WWOX: variants seen among roughly 807,000 people sequenced by gnomAD.
WWOX encodes WW domain containing oxidoreductase.
In WWOX, 69 loss-of-function variants were observed where a neutral mutation model predicts 46.2. The ratio of observed to expected loss-of-function variants is 1.49; its 90% confidence interval spans 1.23 to 1.82. The LOEUF (loss-of-function observed/expected upper bound fraction) is 1.82. Among genes scored for constraint, WWOX ranks in the 40% most tolerant of loss-of-function variants. The pLI, the probability that WWOX is intolerant of heterozygous loss-of-function variation, is 0.00. For synonymous variants in WWOX, 359 were observed against 202.6 expected (o/e 1.77, Z -6.56); for missense variants, 919 against 542.6 (o/e 1.69, Z -6.89).
chr16:78,594,793 A>C (rs537117949), intron 8 of WWOX, among the ~76,000 whole-genome samples: 22 of 152,168 alleles, frequency 1.4e-4, no homozygotes, highest in Admixed American at 7.2e-4. Context: ...AGAAAACTCT[A>C]TAGCCTCAGT....
chr16:78,616,045 T>C lies in WWOX; in HGVS notation c.1056+183293T>C, dbSNP rs145963868. 1.5e-3 allele frequency among the ~76,000 whole-genome samples: 221 copies of C among 152,260 alleles called. 1 individual carries two copies. The highest frequency in any genetic ancestry group is 5.0e-3 in the African/African-American group (206 of 41,548). Reference sequence around the variant, plus strand: ...GATTACAGGCGTGAACTACTGTGCCTGGCCAGGATAATCTTTAAGAAGAAG... The same window carrying C: ...GATTACAGGCGTGAACTACTGTGCCCGGCCAGGATAATCTTTAAGAAGAAG... On this transcript the variant is annotated intron_variant, in intron 8 of 8. Transcript: ENST00000566780.
intron 8 of WWOX, among the ~76,000 whole-genome samples, chr16:78,976,556 C>G (rs556068767): frequency 3.3e-4 from 50 of 152,336 alleles, no homozygotes; most frequent in African/African-American, 1.1e-3. Flanking sequence ...ATAGCTTGAT[C>G]TAGGTCTCAG....
intron 5 of WWOX, among the ~76,000 whole-genome samples, chr16:78,342,171 A>T (rs1384352910): frequency 8.2e-6 from 1 of 121,788 alleles, no homozygotes. Flanking sequence ...TGAATGCTTT[A>T]TCAGAAAACT....
chr16:78,135,320 A>G lies in WWOX; in HGVS notation c.409+20166A>G, dbSNP rs534029625. 5.9e-5 allele frequency among the ~76,000 whole-genome samples: 9 copies of G among 152,262 alleles called. No homozygotes were observed. In the South Asian group the frequency reaches 1.9e-3, roughly 32 times the overall value. ...TACTGTGGTTTACCAAGTGTGAGGGACTATTTCTTTCTGAGAAGGAGGGGA... is the reference window on the plus strand; with the variant it reads ...TACTGTGGTTTACCAAGTGTGAGGGGCTATTTCTTTCTGAGAAGGAGGGGA... On this transcript the variant is annotated intron_variant, in intron 4 of 8. Transcript: ENST00000566780.
intron 8 of WWOX, among the ~76,000 whole-genome samples, chr16:78,904,158 T>TA (rs1035398090): frequency 6.6e-6 from 1 of 152,022 alleles, no homozygotes; most frequent in Non-Finnish European, 1.5e-5. Flanking sequence ...GTCCAACTGT[T>TA]AGAGTTTTTC....
rs192405805 is a variant in WWOX, at chr16:78,411,065, C to A, written c.606-13805C>A. Among the ~76,000 whole-genome samples the A allele has an allele frequency of 7.9e-3, 1,202 of 152,228 alleles. 11 individuals carry two copies. The highest frequency in any genetic ancestry group is 0.015 in the South Asian group (72 of 4,812). Reference sequence around the variant, plus strand: ...CAAGAGAGCAAGAACAGGAGTGATACAGAAGCCAGCATCTTTTTGTAAACC... The same window carrying A: ...CAAGAGAGCAAGAACAGGAGTGATAAAGAAGCCAGCATCTTTTTGTAAACC... On this transcript the variant is annotated intron_variant, in intron 6 of 8. Coordinates refer to ENST00000566780, the MANE Select transcript of WWOX (RefSeq NM_016373.4).
intron 8 of WWOX, among the ~76,000 whole-genome samples, chr16:79,157,754 G>C (rs1056623779): frequency 6.6e-6 from 1 of 152,242 alleles, no homozygotes; most frequent in Non-Finnish European, 1.5e-5. Context: ...CTATGTCAGA[G>C]TGGAGGGACA....
rs145247330 is a variant in WWOX, at chr16:79,039,659, C to A, written c.1057-171949C>A. ...GGCACCTCGGAAAGTAACTCCTGTC[C>A]ATTGTTCCTTGTGCCATCTTTCTTA... On this transcript the variant is annotated intron_variant, in intron 8 of 8. Transcript: ENST00000566780. Among the ~76,000 whole-genome samples, 465 of 152,318 alleles carry A rather than the reference C, an allele frequency of 3.1e-3. 3 individuals are homozygous for A. The highest frequency in any genetic ancestry group is 0.011 in the African/African-American group (441 of 41,568).
chr16:78,175,200 G>C (rs1340874144), intron 5 of WWOX, among the ~76,000 whole-genome samples: 1 of 151,886 alleles, frequency 6.6e-6, no homozygotes, highest in African/African-American at 2.4e-5. Context: ...AGAGAAGTAG[G>C]GGTGTCAGAG....
rs150501823 is a variant in WWOX, at chr16:79,167,000, G to T, written c.1057-44608G>T. Among the ~76,000 whole-genome samples, 81 of 152,092 alleles carry T rather than the reference G, an allele frequency of 5.3e-4. 1 individual carries two copies. In the South Asian group the frequency reaches 0.016, roughly 31 times the overall value. On this transcript the variant is annotated intron_variant, in intron 8 of 8. Coordinates refer to ENST00000566780, the MANE Select transcript of WWOX (RefSeq NM_016373.4). The stretch of plus-strand genomic sequence containing the variant: ...TGTGTCATCCAGGCTGGAGTGCATG[G>T]CCTGATCTCTACTCTCTGCAACCTC...
intron 8 of WWOX, among the ~76,000 whole-genome samples, chr16:79,077,722 T>A (rs1280906667): frequency 6.6e-6 from 1 of 152,022 alleles, no homozygotes; most frequent in Non-Finnish European, 1.5e-5. Context: ...TGTGTTGGTG[T>A]AAGAAATAAT....
chr16:79,094,276 C>T (rs1169555085), intron 8 of WWOX, among the ~76,000 whole-genome samples: 2 of 143,062 alleles, frequency 1.4e-5, no homozygotes, highest in South Asian at 2.3e-4. Flanking sequence ...TTCTTTGATA[C>T]GGGGTCTCGC....
At chr16:78,864,306 G>A (rs1002685650) in intron 8 of WWOX, among the ~76,000 whole-genome samples, 1 of 147,004 alleles carries the variant, frequency 6.8e-6, no homozygotes, top group African/African-American at 2.5e-5. Flanking sequence ...TTGCTCTGTT[G>A]CCCAGGCTGG....
Position 78,425,033 on chromosome 16 carries a change from G to T in WWOX, c.769G>T (p.Val257Leu). 4 of 1,613,916 alleles carry T rather than the reference G, an allele frequency of 2.5e-6. No individual in the cohort carries two copies. The highest frequency in any genetic ancestry group is 3.4e-6 in the Non-Finnish European group (4 of 1,180,024). Reference sequence around the variant, plus strand: ...CCGCTCAGCTCCTGCCCGTGTCATTGTGGTCTCCTCAGAGTCCCATCGGTG... The same window carrying T: ...CCGCTCAGCTCCTGCCCGTGTCATTTTGGTCTCCTCAGAGTCCCATCGGTG... ...LCRSAPARVI[V>L]VSSESHRFTD... Residue 257 changes from valine to leucine, a missense_variant, in exon 7 of 9, where the codon GTG becomes TTG. Physicochemically the swap from Val to Leu is conservative, Grantham distance 32. Transcript: ENST00000566780.
At chr16:78,597,476 A>G (rs2045518472) in intron 8 of WWOX, among the ~76,000 whole-genome samples, 1 of 152,174 alleles carries the variant, frequency 6.6e-6, no homozygotes, top group African/African-American at 2.4e-5. Context: ...TTGGTCCACC[A>G]TTAAGCATTT....
At chr16:78,986,867 G>C (rs1456831656) in intron 8 of WWOX, among the ~76,000 whole-genome samples, 1 of 152,092 alleles carries the variant, frequency 6.6e-6, no homozygotes, top group Non-Finnish European at 1.5e-5. Flanking sequence ...TGCTTGACTT[G>C]GGAGTTTCAG....
chr16:78,767,841 T>C (rs58536301), intron 8 of WWOX, among the ~76,000 whole-genome samples: 31,533 of 152,042 alleles, frequency 0.21, 3,405 homozygotes, highest in South Asian at 0.27. Context: ...TACTGGCCGT[T>C]TGTGTATCTT....
At chr16:79,015,826 A>G (rs1191086721) in intron 8 of WWOX, among the ~76,000 whole-genome samples, 1 of 152,166 alleles carries the variant, frequency 6.6e-6, no homozygotes, top group African/African-American at 2.4e-5. Flanking sequence ...ATCTTGGCTC[A>G]CTGCAACCCC....
intron 8 of WWOX, among the ~76,000 whole-genome samples, chr16:78,811,442 T>G (rs961778588): frequency 1.3e-5 from 2 of 152,082 alleles, no homozygotes; most frequent in African/African-American, 4.8e-5. Context: ...CTCCCTTTCT[T>G]CCTTTCCTTT....
Sources: allele counts gnomAD v4.1 joint callset (sites outside exome capture counted in the v4.1 genomes callset), GRCh38; gene constraint gnomAD v4.1.1; transcripts MANE v1.5; gene names NCBI Gene and HGNC (gene_info 2026-07-23, HGNC 2026-07-21).